TRPV5: variants seen among roughly 807,000 people sequenced by gnomAD.
TRPV5 encodes the protein calcium transport protein 2.
Under a neutral mutation model 74.1 loss-of-function variants are expected in TRPV5, and 66 were observed. That is an observed-to-expected ratio of 0.89 (90% CI 0.73 to 1.09). TRPV5 has a LOEUF of 1.09. TRPV5 is among the 50% of genes least tolerant of loss of function. The pLI, the probability that TRPV5 is intolerant of heterozygous loss-of-function variation, is 0.00. For synonymous variants in TRPV5, 399 were observed against 360.7 expected, an observed-to-expected ratio of 1.11 and a Z score of -1.20; for missense variants, 936 against 930.4, an observed-to-expected ratio of 1.01 and a Z score of -0.08.
In TRPV5 at chr7:142,915,552, C is replaced by T. The variant is rs746763080; in HGVS notation, c.1139G>A (p.Arg380His). The change falls in exon 9 of 15, where the codon CGT becomes CAT. Residue 380 changes from arginine to histidine, a missense_variant. By Grantham distance (29) the Arg-to-His change is conservative (BLOSUM62 0). Coordinates refer to ENST00000265310, the MANE Select transcript of TRPV5 (RefSeq NM_019841.7). Reference protein sequence around the residue: ...QKLLQEAYETREDIIRLVGEL... With the variant: ...QKLLQEAYETHEDIIRLVGEL... ...CCCCACCAGCCTGATGATATCTTCACGTGTCTCATAGGCCTCCTATGTGGG... is the reference window on the plus strand; with the variant it reads ...CCCCACCAGCCTGATGATATCTTCATGTGTCTCATAGGCCTCCTATGTGGG... The T allele has an allele frequency of 1.1e-5, 17 of 1,614,142 alleles. No individual in the cohort carries two copies. The highest frequency in any genetic ancestry group is 1.3e-5 in the African/African-American group (1 of 75,044).
intron 8 of TRPV5, among the ~76,000 whole-genome samples, chr7:142,923,572 T>G (rs1033346051): frequency 6.6e-6 from 1 of 152,110 alleles, no homozygotes; most frequent in Non-Finnish European, 1.5e-5. Flanking sequence ...GAAAAGAATA[T>G]CTGAAAGTCC....
intron 8 of TRPV5, among the ~76,000 whole-genome samples, chr7:142,918,911 G>C (rs1029575750): frequency 6.6e-6 from 1 of 152,152 alleles, no homozygotes; most frequent in Admixed American, 6.5e-5. Context: ...AGTACCAAAC[G>C]GGATGTACAA....
intron 13 of TRPV5, among the ~76,000 whole-genome samples, chr7:142,910,276 T>C (rs1321168294): frequency 6.6e-6 from 1 of 152,170 alleles, no homozygotes; most frequent in African/African-American, 2.4e-5. Context: ...GTAAACCAAA[T>C]CTAAGGTCCT....
chr7:142,912,810 G>T, intron 12 of TRPV5, 60 bp from the exon 13 acceptor site: 1 of 1,550,536 alleles, frequency 6.4e-7, no homozygotes, highest in Non-Finnish European at 8.8e-7. Context: ...AATAAGCATG[G>T]ACATGGTTAG....
chr7:142,912,495 A>G lies in TRPV5; in HGVS notation c.1775T>C (p.Leu592Pro). 6.2e-7 allele frequency: 1 copy of G among 1,613,966 alleles called. No homozygotes were observed. Among genetic ancestry groups the G allele is most frequent in the Non-Finnish European group, 8.5e-7 (1 of 1,179,816 alleles). The stretch of plus-strand genomic sequence containing the variant: ...AAATAAACTCACCTGGGCCCTCCAG[A>G]GCTCATCCCTCTCCTGGGCCACCCT... ...HWRVAQERDE[L>P]WRAQVVATTV... The change falls in exon 13 of 15, where the codon CTC (leucine) becomes CCC (proline). Residue 592 changes from leucine to proline, a missense_variant. By Grantham distance (98) the Leu-to-Pro change is moderately conservative (BLOSUM62 -3). Transcript: ENST00000265310.
At chr7:142,923,851 C>T (rs1795923519) in intron 8 of TRPV5, among the ~76,000 whole-genome samples, 1 of 152,164 alleles carries the variant, frequency 6.6e-6, no homozygotes, top group African/African-American at 2.4e-5. Context: ...ATCAGTGGCT[C>T]AGCATTGCCC....
At chr7:142,924,041 C>T (rs1795926497) in intron 8 of TRPV5, among the ~76,000 whole-genome samples, 1 of 151,828 alleles carries the variant, frequency 6.6e-6, no homozygotes, top group Non-Finnish European at 1.5e-5. Flanking sequence ...CCTCCACTTG[C>T]CATCTCCTAA....
At chr7:142,921,478 T>A (rs1795884931) in intron 8 of TRPV5, among the ~76,000 whole-genome samples, 2 of 152,104 alleles carry the variant, frequency 1.3e-5, no homozygotes, top group African/African-American at 4.8e-5. Flanking sequence ...AGATGGGGTT[T>A]CACTATGTTG....
In TRPV5 at chr7:142,912,757, C is replaced by G; in HGVS notation, c.1520-7G>C. 1.2e-6 allele frequency: 2 copies of G among 1,611,640 alleles called. No individual in the cohort carries two copies. The highest frequency in any genetic ancestry group is 1.7e-6 in the Non-Finnish European group (2 of 1,177,936). On this transcript the variant is annotated splice_polypyrimidine_tract_variant and splice_region_variant and intron_variant, in intron 12 of 14. Coordinates refer to ENST00000265310, the MANE Select transcript of TRPV5 (RefSeq NM_019841.7). ...TGGAAAATGATATAGAACGCTGCTC[C>G]GCCCAGGAAGAGGACATGGAGATGG...
intron 12 of TRPV5, among the ~76,000 whole-genome samples, chr7:142,913,647 T>G (rs77688026): frequency 6.6e-6 from 1 of 152,208 alleles, no homozygotes; most frequent in Non-Finnish European, 1.5e-5. Flanking sequence ...CTTTCACATT[T>G]CAGATTTTGG....
At chr7:142,914,760 G>A (rs1401310529) in intron 11 of TRPV5, 54 bp from the exon 12 acceptor site, 1 of 1,609,152 alleles carries the variant, frequency 6.2e-7, no homozygotes, top group African/African-American at 1.3e-5. Flanking sequence ...CACTGCTTTT[G>A]AGCAGCTAAC....
chr7:142,925,261 A>C (rs1264304349), intron 8 of TRPV5: 1 of 559,418 alleles, frequency 1.8e-6, no homozygotes, highest in Non-Finnish European at 3.2e-6. Context: ...AATTACCAAA[A>C]AATTTCACAA....
chr7:142,929,522 GTT>G lies in TRPV5; in HGVS notation c.391_392del (p.Asn131ProfsTer24). On this transcript the variant is annotated frameshift_variant, in exon 4 of 15. Coordinates refer to ENST00000265310, the MANE Select transcript of TRPV5 (RefSeq NM_019841.7). LOFTEE classifies it high-confidence loss of function. ...TGCGGGTGAGCAGGGCACGCACCAG[GTT>G]CACATTCTGGTTCACAACAGCGATG... ...LHIAVVNQNV[N>X]LVRALLTRRA... The G allele has an allele frequency of 6.2e-7, 1 of 1,614,114 alleles. No individual in the cohort carries two copies. Among genetic ancestry groups the G allele is most frequent in the Non-Finnish European group, 8.5e-7 (1 of 1,180,000 alleles).
chr7:142,924,268 A>G (rs1016562397), intron 8 of TRPV5, among the ~76,000 whole-genome samples: 2 of 90,916 alleles, frequency 2.2e-5, no homozygotes, highest in Non-Finnish European at 3.9e-5. Context: ...ATATATACAT[A>G]TATATATATA....
At position 142,928,163 on chromosome 7, in the gene TRPV5, G is replaced by A. The variant is rs4252417; in HGVS notation, c.834C>T (p.Tyr278=). ...WTYGPLTSIL[Y]DLTEIDSWGE... is the part of the protein sequence containing the mutation. The stretch of plus-strand genomic sequence containing the variant: ...CCCAGGAGTCGATCTCCGTGAGGTC[G>A]TAGAGAATGGAGGTCAGGGGTCCAT... The change falls in exon 7 of 15, where the codon TAC becomes TAT. Residue 278 remains tyrosine (Y), a synonymous_variant. Transcript: ENST00000265310. 0.056 allele frequency: 89,584 copies of A among 1,613,960 alleles called. 3,397 individuals carry two copies. The highest frequency in any genetic ancestry group is 0.19 in the African/African-American group (14,322 of 74,968).
intron 1 of TRPV5, among the ~76,000 whole-genome samples, chr7:142,931,679 A>G (rs975158422): frequency 6.6e-6 from 1 of 152,166 alleles, no homozygotes; most frequent in African/African-American, 2.4e-5. Context: ...CCCAGGAGCC[A>G]GGGCGAAAAA....
chr7:142,925,612 A>G lies in TRPV5; in HGVS notation c.1039T>C (p.Cys347Arg). ...LLYMICFTTCCVYRPLKFRGG... is the reference protein window; with the variant it reads ...LLYMICFTTCRVYRPLKFRGG... ...CGAAACTTAAGGGGGCGGTAGACGCAGCACGTAGTAAAGCAGATCATGTAG... is the reference window on the plus strand; with the variant it reads ...CGAAACTTAAGGGGGCGGTAGACGCGGCACGTAGTAAAGCAGATCATGTAG... The change falls in exon 8 of 15, where the codon TGC (cysteine) becomes CGC (arginine). Residue 347 changes from cysteine (C) to arginine (R), a missense_variant. Physicochemically the swap from Cys to Arg is radical, Grantham distance 180 (BLOSUM62 -3). Transcript: ENST00000265310. 1 of 1,614,236 alleles carries G rather than the reference A, an allele frequency of 6.2e-7. No individual in the cohort carries two copies. Among genetic ancestry groups the G allele is most frequent in the Non-Finnish European group, 8.5e-7 (1 of 1,180,052 alleles).
At chr7:142,918,960 C>T (rs1003674689) in intron 8 of TRPV5, among the ~76,000 whole-genome samples, 16 of 152,182 alleles carry the variant, frequency 1.1e-4, no homozygotes, top group African/African-American at 3.9e-4. Context: ...TGTCCTCATA[C>T]CCTGTGTGAG....
chr7:142,914,278 C>A (rs768654874), intron 12 of TRPV5, among the ~76,000 whole-genome samples: 12 of 152,202 alleles, frequency 7.9e-5, no homozygotes, highest in Non-Finnish European at 1.6e-4. Flanking sequence ...GGCACTATCT[C>A]TGTTTGTCCA....
Sources: gnomAD v4.1 joint callset for allele counts (sites outside exome capture counted in the v4.1 genomes callset) on GRCh38, gnomAD v4.1.1 for gene constraint, MANE v1.5 for transcripts, NCBI Gene and HGNC (gene_info 2026-07-23, HGNC 2026-07-21) for gene names.